Variants in RAPGEF5 observed in about 807,000 individuals in gnomAD.
RAPGEF5 encodes the protein Rap guanine nucleotide exchange factor 5.
In RAPGEF5, 65 loss-of-function variants were observed where a neutral mutation model predicts 125.2. That is an observed-to-expected ratio of 0.52 (90% CI 0.43 to 0.64). The LOEUF is 0.64. Among genes scored for constraint, RAPGEF5 ranks in the 30% least tolerant of loss-of-function variants. The pLI is 0.00. For missense variants in RAPGEF5, 958 were observed against 1,048.1 expected (o/e 0.91, Z 1.19); for synonymous variants, 391 against 385.9 (o/e 1.01, Z -0.16).
intron 5 of RAPGEF5, among the ~76,000 whole-genome samples, chr7:22,294,315 TTTAGG>T: frequency 6.6e-6 from 1 of 152,294 alleles, no homozygotes; most frequent in East Asian, 1.9e-4. Flanking sequence ...GATGCTCTCC[TTTAGG>T]AATTCCCTGG....
At chr7:22,184,670 TA>T (rs1202129964) in intron 11 of RAPGEF5, among the ~76,000 whole-genome samples, 1 of 152,198 alleles carries the variant, frequency 6.6e-6, no homozygotes, top group Non-Finnish European at 1.5e-5. Flanking sequence ...TTAATGATCT[TA>T]TGCTTCAGCT....
In RAPGEF5 at chr7:22,315,464, T is replaced by G; in HGVS notation, c.295A>C (p.Asn99His). Residue 99 changes from asparagine to histidine, a missense_variant, in exon 3 of 26, where the codon AAT (asparagine) becomes CAT (histidine). Transcript: ENST00000665637. ...EHTPSQIYGE[N>H]SSCAGRALRN... is the part of the protein sequence containing the mutation. ...AATGCTCTTCCTGCACAAGAAGAAT[T>G]CTCTCCATAAATCTAAATGGAAAAG... is the stretch of plus-strand genomic sequence containing the variant. 6.7e-7 allele frequency: 1 copy of G among 1,497,866 alleles called. No homozygotes were observed. Among genetic ancestry groups the G allele is most frequent in the East Asian group, 2.6e-5 (1 of 38,506 alleles). 92.8% of individuals were successfully genotyped at this position (1,497,866 alleles called of 1,614,324 possible). A position where few individuals can be genotyped will look rare whatever the true frequency, so the allele number is the denominator to read the frequency against.
At chr7:22,320,472 AG>A (rs1360210270) in intron 1 of RAPGEF5, among the ~76,000 whole-genome samples, 1 of 152,216 alleles carries the variant, frequency 6.6e-6, no homozygotes, top group Non-Finnish European at 1.5e-5. Flanking sequence ...ATTTTATCAG[AG>A]AAACACCATG....
At chr7:22,312,178 G>A (rs772996163) in intron 3 of RAPGEF5, among the ~76,000 whole-genome samples, 6 of 151,940 alleles carry the variant, frequency 3.9e-5, no homozygotes, top group Non-Finnish European at 7.4e-5. Flanking sequence ...ATTCTGATGC[G>A]GTAAGACTGG....
intron 6 of RAPGEF5, among the ~76,000 whole-genome samples, chr7:22,289,544 AG>A (rs1294080237): frequency 6.6e-6 from 1 of 152,262 alleles, no homozygotes; most frequent in African/African-American, 2.4e-5. Context: ...TCTGGCCCAT[AG>A]TGAATGCTTT....
chr7:22,123,539 A>AT (rs1000812762), intron 25 of RAPGEF5, among the ~76,000 whole-genome samples: 1 of 152,016 alleles, frequency 6.6e-6, no homozygotes, highest in Non-Finnish European at 1.5e-5. Flanking sequence ...TTCTTATAGC[A>AT]TTTTTTTCTC....
intron 1 of RAPGEF5, among the ~76,000 whole-genome samples, chr7:22,355,646 C>G (rs61117472): frequency 0.083 from 12,604 of 152,140 alleles, 713 homozygotes; most frequent in Admixed American, 0.12. Flanking sequence ...AGAACATCTT[C>G]TGAGATGGAC....
intron 1 of RAPGEF5, among the ~76,000 whole-genome samples, chr7:22,332,669 A>G (rs1157133202): frequency 6.6e-6 from 1 of 152,252 alleles, no homozygotes; most frequent in Non-Finnish European, 1.5e-5. Context: ...CTTTCCAGTT[A>G]TAAATTAATT....
intron 9 of RAPGEF5, among the ~76,000 whole-genome samples, chr7:22,202,096 C>T (rs562595900): frequency 6.6e-6 from 1 of 152,234 alleles, no homozygotes; most frequent in African/African-American, 2.4e-5. Context: ...GAGGGGTAGG[C>T]TTGGGTAGAA....
At position 22,157,889 on chromosome 7, in the gene RAPGEF5, A is replaced by G. The variant is rs7809342; in HGVS notation, c.1527-4T>C. Reference sequence around the variant, plus strand: ...TGGTGAATATTCATCTACAGTGCTGAAAGGAAAAATGGCAAGAAGTCAGTC... The same window carrying G: ...TGGTGAATATTCATCTACAGTGCTGGAAGGAAAAATGGCAAGAAGTCAGTC... On this transcript the variant is annotated splice_polypyrimidine_tract_variant and splice_region_variant and intron_variant, in intron 14 of 25. Coordinates refer to ENST00000665637, the MANE Select transcript of RAPGEF5 (RefSeq NM_012294.5). 0.98 allele frequency: 1,572,369 copies of G among 1,609,998 alleles called. 767,934 individuals carry two copies. The highest frequency in any genetic ancestry group is 0.99 in the East Asian group (44,456 of 44,856).
intron 7 of RAPGEF5, among the ~76,000 whole-genome samples, chr7:22,241,753 C>A (rs1461267561): frequency 6.6e-6 from 1 of 151,976 alleles, no homozygotes; most frequent in Non-Finnish European, 1.5e-5. Context: ...GATGGTTTTC[C>A]TCGTCAGACC....
chr7:22,212,055 C>T (rs1785521079), intron 9 of RAPGEF5, among the ~76,000 whole-genome samples: 1 of 151,632 alleles, frequency 6.6e-6, no homozygotes, highest in Non-Finnish European at 1.5e-5. Flanking sequence ...CAAGCACCGC[C>T]TCCCGGATTC....
intron 11 of RAPGEF5, among the ~76,000 whole-genome samples, chr7:22,172,491 T>C (rs112356872): frequency 0.01 from 1,576 of 152,316 alleles, 12 homozygotes; most frequent in Non-Finnish European, 0.016. Flanking sequence ...AATGTATTTC[T>C]CTTGTATGTA....
At chr7:22,193,877 G>A (rs746576455) in intron 10 of RAPGEF5, 38 bp downstream of exon 10, 3 of 1,612,236 alleles carry the variant, frequency 1.9e-6, no homozygotes, top group East Asian at 4.5e-5. Context: ...AAAAGGAAAC[G>A]GGAGCGCGTG....
intron 1 of RAPGEF5, among the ~76,000 whole-genome samples, chr7:22,329,478 G>A (rs1168521410): frequency 1.3e-5 from 2 of 152,034 alleles, no homozygotes; most frequent in South Asian, 2.1e-4. Flanking sequence ...CTCCCTTCCC[G>A]CAGTCTAGTC....
rs567068095 is a variant in RAPGEF5, at chr7:22,232,612, C to A, written c.797-1693G>T. On this transcript the variant is annotated intron_variant, in intron 7 of 25. Transcript: ENST00000665637. The stretch of plus-strand genomic sequence containing the variant: ...TGGGATTACAAGGTGTGAGCCACCA[C>A]GCTTGGCCTGTGTACTTTTAAATAT... Among the ~76,000 whole-genome samples, 88 of 152,306 alleles carry A rather than the reference C, an allele frequency of 5.8e-4. 2 individuals carry two copies. Among genetic ancestry groups the A allele is most frequent in the African/African-American group, 2.0e-3 (83 of 41,562 alleles).
intron 11 of RAPGEF5, among the ~76,000 whole-genome samples, chr7:22,176,062 G>A (rs1334919764): frequency 6.6e-6 from 1 of 152,108 alleles, no homozygotes; most frequent in Admixed American, 6.5e-5. Flanking sequence ...GTTCCACATG[G>A]CTCAGGAGGC....
At chr7:22,230,440 T>G (rs1194936401) in intron 8 of RAPGEF5, among the ~76,000 whole-genome samples, 3 of 152,220 alleles carry the variant, frequency 2.0e-5, no homozygotes, top group African/African-American at 7.2e-5. Flanking sequence ...AAAGTTTTTA[T>G]GGTGCAATAG....
intron 7 of RAPGEF5, among the ~76,000 whole-genome samples, chr7:22,239,559 C>T (rs1043991578): frequency 3.3e-5 from 5 of 152,022 alleles, no homozygotes; most frequent in Non-Finnish European, 7.4e-5. Flanking sequence ...CTCCACCCTC[C>T]CTGCTGCCTT....
Sources: allele counts gnomAD v4.1 joint callset (sites outside exome capture counted in the v4.1 genomes callset), GRCh38; gene constraint gnomAD v4.1.1; transcripts MANE v1.5; gene names NCBI Gene and HGNC (gene_info 2026-07-23, HGNC 2026-07-21).